The following GPC3 variants were observed in gnomAD, a reference collection of about 807,000 sequenced individuals.
GPC3 encodes glypican-3.
Under a neutral mutation model 34.4 loss-of-function variants are expected in GPC3, and 3 were observed. That is an observed-to-expected ratio of 0.09 (90% CI 0.04 to 0.23). GPC3 has a LOEUF of 0.23. GPC3 is among the 10% of genes least tolerant of loss of function. The pLI, the probability that GPC3 is intolerant of heterozygous loss-of-function variation, is 1.00. For synonymous variants in GPC3, 177 were observed against 174.0 expected (o/e 1.02, Z -0.13); for missense variants, 351 against 445.6 (o/e 0.79, Z 1.91).
At chrX:133,731,695 C>A (rs937207525) in intron 3 of GPC3, among the ~76,000 whole-genome samples, 5 of 112,371 alleles carry the variant, frequency 4.4e-5, no homozygotes, top group African/African-American at 1.6e-4. Context: ...TGCCATATTT[C>A]TAACCCTCAC....
chrX:133,751,995 C>G (rs1472690737), intron 3 of GPC3, among the ~76,000 whole-genome samples: 1 of 111,069 alleles, frequency 9.0e-6, no homozygotes, highest in Non-Finnish European at 1.9e-5. Context: ...TTCAGTCCCC[C>G]CAGTAGCATG....
At chrX:133,548,776 T>C (rs2069408001) in intron 7 of GPC3, among the ~76,000 whole-genome samples, 1 of 111,239 alleles carries the variant, frequency 9.0e-6, no homozygotes, top group Non-Finnish European at 1.9e-5. Context: ...TCCTGTGCTC[T>C]TCTTGTGATA....
chrX:133,538,976 C>T (rs1252594470), intron 7 of GPC3, among the ~76,000 whole-genome samples: 1 of 104,530 alleles, frequency 9.6e-6, no homozygotes, highest in Non-Finnish European at 2.0e-5. Flanking sequence ...CCACCTCGGC[C>T]TCCCAAAATT....
intron 3 of GPC3, among the ~76,000 whole-genome samples, chrX:133,751,547 G>A (rs1266841411): frequency 8.9e-6 from 1 of 112,085 alleles, no homozygotes; most frequent in African/African-American, 3.2e-5. Context: ...CAGCAACTCC[G>A]TAAGTAGCCA....
At chrX:133,907,289 T>A (rs757450264) in intron 2 of GPC3, among the ~76,000 whole-genome samples, 1 of 111,390 alleles carries the variant, frequency 9.0e-6, no homozygotes, top group African/African-American at 3.3e-5. Flanking sequence ...TCCTCACAAT[T>A]TCATAAGTCC....
intron 2 of GPC3, among the ~76,000 whole-genome samples, chrX:133,819,090 CCATTAACT>C (rs2075706605): frequency 9.8e-6 from 1 of 102,540 alleles, no homozygotes; most frequent in Non-Finnish European, 2.0e-5. Flanking sequence ...TGTGCTGCAC[CCATTAACT>C]CATCATTTAG....
intron 3 of GPC3, among the ~76,000 whole-genome samples, chrX:133,738,393 G>A (rs1413443406): frequency 8.9e-6 from 1 of 111,990 alleles, no homozygotes; most frequent in Non-Finnish European, 1.9e-5. Flanking sequence ...AAAGGTAGTT[G>A]TGATTCATTA....
intron 5 of GPC3, among the ~76,000 whole-genome samples, chrX:133,686,914 TTTTG>T (rs779216905): frequency 6.5e-5 from 7 of 106,932 alleles, no homozygotes; most frequent in African/African-American, 1.1e-4. Context: ...GATTTTCTTT[TTTTG>T]TTTGTTTGTT....
At chrX:133,863,602 A>AACAC (rs58143389) in intron 2 of GPC3, among the ~76,000 whole-genome samples, 10 of 97,052 alleles carry the variant, frequency 1.0e-4, no homozygotes, top group African/African-American at 2.4e-4. Flanking sequence ...CACCAACATC[A>AACAC]ACACACACAC....
chrX:133,587,265 GT>G (rs2069798548), intron 7 of GPC3, among the ~76,000 whole-genome samples: 1 of 112,074 alleles, frequency 8.9e-6, no homozygotes, highest in Non-Finnish European at 1.9e-5. Context: ...ATTGGCAACA[GT>G]TAAACTGGAA....
At chrX:133,883,686 T>C (rs1644505127) in intron 2 of GPC3, among the ~76,000 whole-genome samples, 1 of 111,799 alleles carries the variant, frequency 8.9e-6, no homozygotes, top group African/African-American at 3.2e-5. Flanking sequence ...AAATTCTGAA[T>C]ACTATCAAGT....
intron 5 of GPC3, among the ~76,000 whole-genome samples, chrX:133,669,676 T>A (rs765858550): frequency 7.8e-4 from 87 of 112,253 alleles, no homozygotes; most frequent in Non-Finnish European, 1.5e-3. Flanking sequence ...ATTGTCCTCC[T>A]CTGCAAAATG....
chrX:133,793,027 G>T (rs1316545038), intron 2 of GPC3, among the ~76,000 whole-genome samples: 1 of 109,694 alleles, frequency 9.1e-6, no homozygotes, highest in Non-Finnish European at 1.9e-5. Flanking sequence ...AAATGATAAT[G>T]ATAATCTTCT....
chrX:133,773,952 T>C (rs2071949490), intron 2 of GPC3, among the ~76,000 whole-genome samples: 1 of 112,121 alleles, frequency 8.9e-6, no homozygotes, highest in Non-Finnish European at 1.9e-5. Flanking sequence ...TCTCCATAGT[T>C]ACTAGTTGGC....
intron 1 of GPC3, among the ~76,000 whole-genome samples, chrX:133,979,160 C>T (rs1602576970): frequency 8.9e-6 from 1 of 111,882 alleles, no homozygotes; most frequent in African/African-American, 3.2e-5. Context: ...ATTTTATCTC[C>T]TTCCTATCAA....
chrX:133,758,945 A>G (rs1264603450), intron 2 of GPC3, among the ~76,000 whole-genome samples: 1 of 111,214 alleles, frequency 9.0e-6, no homozygotes, highest in Non-Finnish European at 1.9e-5. Flanking sequence ...CATCATGCTT[A>G]ACGGTGAGCA....
chrX:133,803,978 C>CCACA (rs10571712), intron 2 of GPC3, among the ~76,000 whole-genome samples: 251 of 94,311 alleles, frequency 2.7e-3, no homozygotes, highest in Admixed American at 9.3e-3. Context: ...TGAGATAAAT[C>CCACA]CACACACACA....
chrX:133,875,375 A>G (rs2076011799), intron 2 of GPC3, among the ~76,000 whole-genome samples: 2 of 111,680 alleles, frequency 1.8e-5, no homozygotes, highest in Admixed American at 9.5e-5. Context: ...AAATTTATTC[A>G]TATTTATTTA....
intron 2 of GPC3, among the ~76,000 whole-genome samples, chrX:133,756,386 G>A (rs1215570798): frequency 1.8e-5 from 2 of 112,339 alleles, no homozygotes; most frequent in East Asian, 5.6e-4. Flanking sequence ...CATACTAGAA[G>A]AAATTGCAAC....
Sources: allele counts gnomAD v4.1 joint callset (sites outside exome capture counted in the v4.1 genomes callset), GRCh38; gene constraint gnomAD v4.1.1; transcripts MANE v1.5; gene names NCBI Gene and HGNC (gene_info 2026-07-23, HGNC 2026-07-21).